Variants in FGF14 observed in about 807,000 individuals in gnomAD.
FGF14 encodes the protein fibroblast growth factor homologous factor 4.
In FGF14, 5 loss-of-function variants were observed where a neutral mutation model predicts 25.5. The observed-to-expected ratio is 0.20, with a 90% CI of 0.10 to 0.41. The LOEUF is 0.41. FGF14 is among the 10% of genes least tolerant of loss of function. The probability of loss-of-function intolerance (pLI) is 1.00; values close to 1 mark genes in which losing one functional copy is unlikely to be tolerated. For missense variants in FGF14, 222 were observed against 320.1 expected (o/e 0.69, Z 2.34); for synonymous variants, 138 against 118.3 (o/e 1.17, Z -1.08).
At chr13:102,127,915 A>G (rs2046016029) in intron 1 of FGF14, among the ~76,000 whole-genome samples, 1 of 152,226 alleles carries the variant, frequency 6.6e-6, no homozygotes, top group Admixed American at 6.5e-5. Flanking sequence ...TGACAGCACA[A>G]GTGAGCAGGG....
intron 1 of FGF14, among the ~76,000 whole-genome samples, chr13:102,133,196 C>T (rs2046272803): frequency 6.6e-6 from 1 of 152,170 alleles, no homozygotes; most frequent in African/African-American, 2.4e-5. Context: ...CATTATAATT[C>T]TAGGTCTGCA....
intron 3 of FGF14, among the ~76,000 whole-genome samples, chr13:101,832,388 A>G (rs1031962092): frequency 1.3e-5 from 2 of 152,086 alleles, no homozygotes; most frequent in African/African-American, 4.8e-5. Flanking sequence ...TTTTGTGGTA[A>G]TTGGTTACCG....
At chr13:102,235,472 C>T (rs1038331572) in intron 1 of FGF14, among the ~76,000 whole-genome samples, 4 of 152,042 alleles carry the variant, frequency 2.6e-5, no homozygotes, top group African/African-American at 9.7e-5. Flanking sequence ...GGTAGAAAAC[C>T]CCAGGCACCA....
chr13:101,861,036 G>A (rs1488111146), intron 3 of FGF14, among the ~76,000 whole-genome samples: 2 of 152,090 alleles, frequency 1.3e-5, no homozygotes, highest in African/African-American at 4.8e-5. Flanking sequence ...CAAAATATGT[G>A]AGAAAGATTT....
At chr13:102,012,528 A>G (rs2040136732) in intron 1 of FGF14, among the ~76,000 whole-genome samples, 1 of 152,184 alleles carries the variant, frequency 6.6e-6, no homozygotes, top group Admixed American at 6.5e-5. Context: ...GGCAGGATAT[A>G]GCTAGACAAA....
chr13:102,226,429 C>G (rs1449780009), intron 1 of FGF14, among the ~76,000 whole-genome samples: 3 of 152,206 alleles, frequency 2.0e-5, no homozygotes, highest in African/African-American at 7.2e-5. Context: ...ACTATTCTTA[C>G]TGCTGTCTGT....
exon 1 of FGF14, chr13:102,401,624 T>G: frequency 1.2e-6 from 2 of 1,614,160 alleles, no homozygotes; most frequent in Non-Finnish European, 1.7e-6. Flanking sequence ...TCCTTGTGGT[T>G]GCATAATAAT....
chr13:102,275,262 T>TTCTCTCTCTCTCTCTCTCTC lies in FGF14; in HGVS notation c.208+126189_208+126208dup, dbSNP rs56028235. 1.9e-3 allele frequency among the ~76,000 whole-genome samples: 132 copies of TTCTCTCTCTCTCTCTCTCTC among 68,976 alleles called. 3 individuals carry two copies. Among genetic ancestry groups the TTCTCTCTCTCTCTCTCTCTC allele is most frequent in the Middle Eastern group, 9.4e-3 (1 of 106 alleles). The allele number at this position is 68,976 out of a possible 152,430, so 45.3% of individuals were successfully genotyped here. ...TCTCTCTCTCTCTCTCTCTCTCTCT[T>TTCTCTCTCTCTCTCTCTCTC]TCTCTCTCTCTCTCTCTCTCTCTCT... On this transcript the variant is annotated intron_variant, in intron 1 of 4. Coordinates refer to the FGF14 transcript ENST00000376131.
Position 101,722,655 on chromosome 13 carries a change from G to T in FGF14, c.*176C>A, listed in dbSNP as rs191705440. On this transcript the variant is annotated 3_prime_UTR_variant, in exon 5 of 5. Coordinates refer to ENST00000376143, the MANE Select transcript of FGF14 (RefSeq NM_004115.4). ...GGTTATCCAGGTGTCTTCTTGTTGT[G>T]GGGGGTGCAACAGGTTGAGATTTAT... The T allele has an allele frequency of 3.9e-6, 3 of 764,714 alleles. No homozygotes were observed. Among genetic ancestry groups the T allele is most frequent in the Non-Finnish European group, 6.4e-6 (3 of 467,974 alleles). 47.4% of individuals were successfully genotyped at this position (764,714 alleles called of 1,614,324 possible). A position where few individuals can be genotyped will look rare whatever the true frequency, so the allele number is the denominator to read the frequency against.
chr13:102,121,554 T>G (rs2045726113), intron 1 of FGF14, among the ~76,000 whole-genome samples: 2 of 152,240 alleles, frequency 1.3e-5, no homozygotes, highest in Admixed American at 1.3e-4. Flanking sequence ...TAATTAAGTT[T>G]TTATTTGTAA....
At chr13:102,108,125 A>C (rs913778526) in intron 1 of FGF14, among the ~76,000 whole-genome samples, 3 of 152,226 alleles carry the variant, frequency 2.0e-5, no homozygotes, top group African/African-American at 7.2e-5. Flanking sequence ...ATGATTACAT[A>C]GTTTATGCTA....
At chr13:101,869,075 A>C (rs2044893832) in intron 2 of FGF14, among the ~76,000 whole-genome samples, 1 of 152,226 alleles carries the variant, frequency 6.6e-6, no homozygotes, top group African/African-American at 2.4e-5. Flanking sequence ...CTGATGCGAC[A>C]ATAAACAGAA....
chr13:101,948,197 T>C (rs1238056570), intron 1 of FGF14, among the ~76,000 whole-genome samples: 1 of 152,206 alleles, frequency 6.6e-6, no homozygotes, highest in Non-Finnish European at 1.5e-5. Context: ...TAGGGCATAT[T>C]ATATGTTACT....
intron 1 of FGF14, among the ~76,000 whole-genome samples, chr13:102,348,717 T>C (rs1189726462): frequency 1.3e-5 from 2 of 152,054 alleles, no homozygotes; most frequent in African/African-American, 4.8e-5. Flanking sequence ...CCACCTGGGA[T>C]CAAATGAATC....
chr13:102,064,636 T>C (rs2140120659), intron 1 of FGF14, among the ~76,000 whole-genome samples: 1 of 152,160 alleles, frequency 6.6e-6, no homozygotes, highest in East Asian at 1.9e-4. Flanking sequence ...CAAATTTGTG[T>C]AAGTCTTTTA....
chr13:102,387,381 C>CT (rs2058329238), intron 1 of FGF14, among the ~76,000 whole-genome samples: 1 of 152,026 alleles, frequency 6.6e-6, no homozygotes, highest in Non-Finnish European at 1.5e-5. Context: ...TGTGTATCTC[C>CT]TCTAAGCAAT....
chr13:102,375,398 T>C (rs2058015705), intron 1 of FGF14, among the ~76,000 whole-genome samples: 1 of 152,164 alleles, frequency 6.6e-6, no homozygotes, highest in African/African-American at 2.4e-5. Flanking sequence ...ATACAAATAA[T>C]AAAATGTTTT....
rs572171145 is a variant in FGF14 at position 102,137,389 on chromosome 13, A to C, written c.209-262093T>G. Among the ~76,000 whole-genome samples the C allele has an allele frequency of 2.0e-5, 3 of 152,344 alleles. No individual in the cohort carries two copies. In the South Asian group the frequency reaches 6.2e-4, roughly 32 times the overall value. On this transcript the variant is annotated intron_variant, in intron 1 of 4. Transcript: ENST00000376131. ...AAATTACTTGAGCAAAAGTATCTCGAAACTACACATAGTTGTCCAGGCTGT... is the reference window on the plus strand; with the variant it reads ...AAATTACTTGAGCAAAAGTATCTCGCAACTACACATAGTTGTCCAGGCTGT...
chr13:102,326,598 A>G (rs2056431419), intron 1 of FGF14, among the ~76,000 whole-genome samples: 2 of 148,890 alleles, frequency 1.3e-5, no homozygotes, highest in African/African-American at 2.5e-5. Flanking sequence ...ACAAGAAAAT[A>G]GCTCAAAAAG....
Sources: allele counts gnomAD v4.1 joint callset (sites outside exome capture counted in the v4.1 genomes callset), GRCh38; gene constraint gnomAD v4.1.1; transcripts MANE v1.5; gene names NCBI Gene and HGNC (gene_info 2026-07-23, HGNC 2026-07-21).